The following COL25A1 variants were observed in gnomAD, a reference collection of about 807,000 sequenced individuals.
COL25A1 encodes collagen type XXV alpha 1 chain, also known as collagen alpha-1(XXV) chain.
COL25A1 carries 103 observed loss-of-function variants against 128.4 expected under a neutral mutation model. The observed-to-expected ratio is 0.80, with a 90% confidence interval of 0.68 to 0.94. COL25A1 has a LOEUF of 0.94. Among genes scored for constraint, COL25A1 ranks in the 40% least tolerant of loss-of-function variants. The pLI is 0.00. For synonymous variants in COL25A1, 279 were observed against 277.2 expected, an observed-to-expected ratio of 1.01 and a Z score of -0.06; for missense variants, 745 against 840.0, an observed-to-expected ratio of 0.89 and a Z score of 1.40.
chr4:109,266,324 GGAA>G (rs929698192), intron 3 of COL25A1, among the ~76,000 whole-genome samples: 5 of 152,176 alleles, frequency 3.3e-5, no homozygotes, highest in African/African-American at 1.2e-4. Context: ...GAACAGCTGA[GGAA>G]GTGGACAAGC....
At chr4:109,283,478 G>A (rs575637329) in intron 3 of COL25A1, among the ~76,000 whole-genome samples, 3 of 151,888 alleles carry the variant, frequency 2.0e-5, no homozygotes, top group Admixed American at 2.0e-4. Context: ...GCCCAGGCTG[G>A]TCTCAAACTC....
At chr4:108,930,939 T>TA (rs1371147606) in intron 11 of COL25A1, among the ~76,000 whole-genome samples, 1 of 152,238 alleles carries the variant, frequency 6.6e-6, no homozygotes, top group African/African-American at 2.4e-5. Flanking sequence ...ACTCTGTTTT[T>TA]AAAAATTTCT....
At chr4:109,013,526 C>T (rs1004437858) in intron 5 of COL25A1, among the ~76,000 whole-genome samples, 11 of 71,516 alleles carry the variant, frequency 1.5e-4, no homozygotes, top group African/African-American at 7.5e-4. Context: ...TGCAATAAAT[C>T]TTGCTGCTGC....
chr4:109,272,257 A>G (rs1782250017), intron 3 of COL25A1, among the ~76,000 whole-genome samples: 1 of 152,134 alleles, frequency 6.6e-6, no homozygotes, highest in Non-Finnish European at 1.5e-5. Flanking sequence ...ATAAAAATCA[A>G]AGTTATATCT....
chr4:109,270,676 C>T (rs114829573), intron 3 of COL25A1, among the ~76,000 whole-genome samples: 352 of 152,218 alleles, frequency 2.3e-3, no homozygotes, highest in African/African-American at 8.0e-3. Context: ...TATTTTACCA[C>T]GTGACACTAA....
intron 3 of COL25A1, among the ~76,000 whole-genome samples, chr4:109,180,956 T>C (rs1472315869): frequency 2.0e-5 from 3 of 152,182 alleles, no homozygotes; most frequent in Non-Finnish European, 2.9e-5. Context: ...GAATCAAATA[T>C]ATAATGTCAT....
At chr4:108,959,550 G>A (rs1224443687) in intron 8 of COL25A1, among the ~76,000 whole-genome samples, 1 of 152,118 alleles carries the variant, frequency 6.6e-6, no homozygotes, top group Non-Finnish European at 1.5e-5. Flanking sequence ...TTCCATATAA[G>A]TTGTGACAGT....
chr4:109,166,723 G>T (rs1291358203), intron 3 of COL25A1, among the ~76,000 whole-genome samples: 1 of 152,190 alleles, frequency 6.6e-6, no homozygotes, highest in Non-Finnish European at 1.5e-5. Flanking sequence ...GGTTTTAAAT[G>T]TTGCACTTTG....
intron 3 of COL25A1, among the ~76,000 whole-genome samples, chr4:109,237,137 C>T (rs1164547445): frequency 6.6e-6 from 1 of 151,948 alleles, no homozygotes; most frequent in African/African-American, 2.4e-5. Flanking sequence ...ACAATATGCC[C>T]TATTTTATAA....
At position 108,847,592 on chromosome 4, in the gene COL25A1, GAA is replaced by G. The variant is rs553027639; in HGVS notation, c.1434+1165_1434+1166del. Among the ~76,000 whole-genome samples the G allele has an allele frequency of 2.1e-5, 3 of 142,372 alleles. No individual in the cohort carries two copies. In the East Asian group the frequency reaches 6.2e-4, roughly 29 times the overall value. The allele number at this position is 142,372 out of a possible 152,430, so 93.4% of individuals were successfully genotyped here. A position where few individuals can be genotyped will look rare whatever the true frequency, so the allele number is the denominator to read the frequency against. ...AGAAGACCTTGCAAAGCCTACAGAAGAAAAAAAAAAGCTAGCTACTATATCTG... is the reference window on the plus strand; with the variant it reads ...AGAAGACCTTGCAAAGCCTACAGAAGAAAAAAAAGCTAGCTACTATATCTG... On this transcript the variant is annotated intron_variant, in intron 27 of 37. Transcript: ENST00000399132.
intron 19 of COL25A1, among the ~76,000 whole-genome samples, chr4:108,880,795 A>C (rs1002303689): frequency 2.0e-5 from 3 of 152,210 alleles, no homozygotes; most frequent in African/African-American, 4.8e-5. Context: ...CTAGGGCAAC[A>C]TAACCATAGA....
rs1035406786 is a variant in COL25A1 at position 108,811,784 on chromosome 4, A to G, written c.*2143T>C. ...TGGAATGTTACCAGAAATGTTACCA[A>G]TTAGACTGATCTAATAGTTTAAACA... is the stretch of plus-strand genomic sequence containing the variant. On this transcript the variant is annotated 3_prime_UTR_variant, in exon 38 of 38. Coordinates refer to ENST00000399132, the MANE Select transcript of COL25A1 (RefSeq NM_198721.4). The G allele has an allele frequency of 2.6e-5, 4 of 152,212 alleles. No homozygotes were observed. Among genetic ancestry groups the G allele is most frequent in the African/African-American group, 9.6e-5 (4 of 41,466 alleles). The allele number at this position is 152,212 out of a possible 1,614,324, so 9.4% of individuals were successfully genotyped here. A position where few individuals can be genotyped will look rare whatever the true frequency, so the allele number is the denominator to read the frequency against.
intron 18 of COL25A1, among the ~76,000 whole-genome samples, chr4:108,886,492 G>GTGTGTGTGTTTT (rs58157157): frequency 0.013 from 1,399 of 109,206 alleles, 40 homozygotes; most frequent in East Asian, 0.026. Flanking sequence ...GTGTGTGTGT[G>GTGTGTGTGTTTT]TTTAGCTCAT....
At chr4:109,281,389 C>T (rs571255245) in intron 3 of COL25A1, among the ~76,000 whole-genome samples, 2 of 147,872 alleles carry the variant, frequency 1.4e-5, no homozygotes, top group African/African-American at 2.5e-5. Context: ...TTTACAATTC[C>T]GTTATTTTCC....
At chr4:109,218,357 G>GTTTTTTTTTTTTTTGTTTTTTTTTTTTTT (rs1560887047) in intron 3 of COL25A1, among the ~76,000 whole-genome samples, 22 of 73,552 alleles carry the variant, frequency 3.0e-4, no homozygotes, top group Admixed American at 1.4e-3. Context: ...GTTTTTTGGG[G>GTTTTTTTTTTTTTTGTTTTTTTTTTTTTT]TTTTTTTTTT....
At chr4:109,168,338 A>C (rs570260000) in intron 3 of COL25A1, among the ~76,000 whole-genome samples, 1 of 152,316 alleles carries the variant, frequency 6.6e-6, no homozygotes, top group African/African-American at 2.4e-5. Flanking sequence ...TACCAAATAA[A>C]TATGGAGATC....
At chr4:109,128,587 G>A (rs898056492) in intron 3 of COL25A1, among the ~76,000 whole-genome samples, 4 of 152,182 alleles carry the variant, frequency 2.6e-5, no homozygotes, top group Admixed American at 2.0e-4. Context: ...CAGGGAGTTC[G>A]GGTCTTAAGC....
intron 20 of COL25A1, among the ~76,000 whole-genome samples, chr4:108,865,790 C>T (rs1737835804): frequency 6.6e-6 from 1 of 152,118 alleles, no homozygotes; most frequent in Non-Finnish European, 1.5e-5. Context: ...GGGGACCTTG[C>T]TATGTTGCCT....
chr4:108,941,804 G>A (rs550688590), intron 8 of COL25A1, among the ~76,000 whole-genome samples: 5 of 152,276 alleles, frequency 3.3e-5, no homozygotes, highest in African/African-American at 9.6e-5. Flanking sequence ...TTCCATTTCC[G>A]TCAGACTTGT....
Sources: gnomAD v4.1 joint callset for allele counts (sites outside exome capture counted in the v4.1 genomes callset) on GRCh38, gnomAD v4.1.1 for gene constraint, MANE v1.5 for transcripts, NCBI Gene and HGNC (gene_info 2026-07-23, HGNC 2026-07-21) for gene names.